The following USP4 variants were observed in gnomAD, a reference collection of about 807,000 sequenced individuals.
USP4 encodes ubiquitin carboxyl-terminal hydrolase 4.
USP4 carries 72 observed loss-of-function variants against 118.2 expected under a neutral mutation model. That is an observed-to-expected ratio of 0.61 (90% confidence interval 0.50 to 0.74). The LOEUF is 0.74. Ranked by LOEUF, USP4 falls within the 30% of genes least tolerant of loss-of-function variation. The pLI is 0.00. For synonymous variants in USP4, 415 were observed against 440.4 expected (o/e 0.94, Z 0.72); for missense variants, 1,037 against 1,185.7 (o/e 0.87, Z 1.84).
At chr3:49,337,615 T>C (rs1159614630) in intron 1 of USP4, among the ~76,000 whole-genome samples, 1 of 151,752 alleles carries the variant, frequency 6.6e-6, no homozygotes, top group Non-Finnish European at 1.5e-5. Context: ...TTATTTTTAT[T>C]TTGTAGAGGC....
At position 49,286,278 on chromosome 3, in the gene USP4, G is replaced by A. The variant is rs754095579; in HGVS notation, c.2020C>T (p.Leu674Phe). The A allele has an allele frequency of 5.3e-5, 85 of 1,613,954 alleles. No homozygotes were observed. Among genetic ancestry groups the A allele is most frequent in the Non-Finnish European group, 7.1e-5 (84 of 1,180,020 alleles). ...MEHQEEGKEQ[L>F]SETEGSGEDE... ...TCCCCACTGCCTTCTGTTTCTGAAA[G>A]CTGCTCTTTGCCTTCTTCCTGATGC... is the stretch of plus-strand genomic sequence containing the variant. Residue 674 changes from leucine (L) to phenylalanine (F), a missense_variant, in exon 16 of 22, where the codon CTT becomes TTT. Leu to Phe is a conservative substitution (Grantham distance 22). Around this residue, in one of 3 missense-constraint regions of USP4, gnomAD observed 522 missense variants for 592.6 expected, o/e 0.88. Transcript: ENST00000265560.
At chr3:49,317,101 C>A in intron 6 of USP4, 2 of 1,332,830 alleles carry the variant, frequency 1.5e-6, no homozygotes, top group Non-Finnish European at 2.1e-6. Context: ...CCTGCCACCA[C>A]TACTTTTCTG....
chr3:49,278,824 T>C lies in USP4; in HGVS notation c.2723A>G (p.Asp908Gly). 1 of 1,610,404 alleles carries C rather than the reference T, an allele frequency of 6.2e-7. No individual in the cohort carries two copies. The highest frequency in any genetic ancestry group is 8.5e-7 in the Non-Finnish European group (1 of 1,177,934). ...DDSNVSLASE[D>G]QIVTKAAYVL... Reference sequence around the variant, plus strand: ...TCATGGCCTACTCACCACTATCTGATCCTCAGAGGCCAGGGACACGTTGCT... The same window carrying C: ...TCATGGCCTACTCACCACTATCTGACCCTCAGAGGCCAGGGACACGTTGCT... The change falls in exon 21 of 22, where the codon GAT becomes GGT. Residue 908 changes from aspartate to glycine, a missense_variant. Asp to Gly is a moderately conservative substitution (Grantham distance 94). Coordinates refer to ENST00000265560, the MANE Select transcript of USP4 (RefSeq NM_003363.4).
At chr3:49,307,610 C>T (rs2047332676) in intron 8 of USP4, among the ~76,000 whole-genome samples, 1 of 152,012 alleles carries the variant, frequency 6.6e-6, no homozygotes, top group African/African-American at 2.4e-5. Context: ...TTTATGAGGA[C>T]AAAAACCATT....
chr3:49,306,211 T>G (rs1376147701), intron 8 of USP4, among the ~76,000 whole-genome samples: 5 of 125,294 alleles, frequency 4.0e-5, no homozygotes, highest in Admixed American at 2.2e-4. Context: ...TTTTTTTTTG[T>G]TTTTTTTTTT....
intron 8 of USP4, among the ~76,000 whole-genome samples, chr3:49,308,978 G>A (rs1461899933): frequency 2.7e-5 from 4 of 148,542 alleles, no homozygotes; most frequent in Admixed American, 6.8e-5. Context: ...GTTGCAGTGC[G>A]TCAAGATTGC....
intron 19 of USP4, among the ~76,000 whole-genome samples, chr3:49,283,232 T>C (rs556969092): frequency 4.6e-5 from 7 of 151,914 alleles, no homozygotes; most frequent in South Asian, 2.1e-4. Context: ...GCCAGGATGG[T>C]CTCGATCTCC....
At chr3:49,317,406 T>C in intron 6 of USP4, 2 of 1,010,412 alleles carry the variant, frequency 2.0e-6, no homozygotes, top group Non-Finnish European at 3.1e-6. Context: ...ATAGCTCCTC[T>C]ATGCATTTGA....
intron 4 of USP4, 121 bp downstream of exon 4, chr3:49,325,598 C>T: frequency 2.8e-6 from 4 of 1,442,146 alleles, no homozygotes; most frequent in South Asian, 2.6e-5. Context: ...AACTACAGCT[C>T]GAGATGATTT....
chr3:49,284,724 T>C, intron 17 of USP4, 125 bp downstream of exon 17: 1 of 1,234,270 alleles, frequency 8.1e-7, no homozygotes, highest in South Asian at 1.3e-5. Flanking sequence ...AATCTTGAAG[T>C]GCTTTTCCTT....
At chr3:49,317,487 T>C in intron 6 of USP4, 1 of 661,314 alleles carries the variant, frequency 1.5e-6, no homozygotes, top group Non-Finnish European at 2.7e-6. Flanking sequence ...CCCTATTTTT[T>C]TTTTTGAGAT....
At position 49,277,382 on chromosome 3, in the gene USP4, G is replaced by C; in HGVS notation, c.*911C>G. 2.1e-6 allele frequency: 1 copy of C among 484,736 alleles called. No homozygotes were observed. The highest frequency in any genetic ancestry group is 3.4e-6 in the Non-Finnish European group (1 of 297,522). 30.0% of individuals were successfully genotyped at this position (484,736 alleles called of 1,614,324 possible). A position where few individuals can be genotyped will look rare whatever the true frequency, so the allele number is the denominator to read the frequency against. On this transcript the variant is annotated 3_prime_UTR_variant, in exon 22 of 22. Coordinates refer to ENST00000265560, the MANE Select transcript of USP4 (RefSeq NM_003363.4). ...GACGGGGCTTTCGAATGGGGGCCCC[G>C]GGAAGAGTCTTGGCAGGGATGAGGA...
chr3:49,302,338 G>C (rs1364565882), intron 10 of USP4, 46 bp downstream of exon 10: 1 of 1,598,536 alleles, frequency 6.3e-7, no homozygotes, highest in Non-Finnish European at 8.5e-7. Flanking sequence ...TCAATAGGAG[G>C]CAGCTTCTTT....
intron 2 of USP4, among the ~76,000 whole-genome samples, chr3:49,334,314 T>G (rs2047647982): frequency 6.6e-6 from 1 of 152,156 alleles, no homozygotes; most frequent in African/African-American, 2.4e-5. Flanking sequence ...GAACAAAATG[T>G]GAACATAATG....
At chr3:49,313,611 T>C (rs1477804630) in intron 6 of USP4, among the ~76,000 whole-genome samples, 1 of 152,204 alleles carries the variant, frequency 6.6e-6, no homozygotes, top group African/African-American at 2.4e-5. Context: ...TATAAGGACA[T>C]GAGAACAGAA....
At chr3:49,295,275 C>A (rs1391997736) in intron 13 of USP4, among the ~76,000 whole-genome samples, 1 of 98,630 alleles carries the variant, frequency 1.0e-5, no homozygotes, top group African/African-American at 3.8e-5. Flanking sequence ...GGCAACAGAG[C>A]GAGACTCCAT....
intron 9 of USP4, 64 bp downstream of exon 9, chr3:49,305,651 C>T (rs1208694632): frequency 1.4e-6 from 2 of 1,407,262 alleles, no homozygotes; most frequent in East Asian, 5.1e-5. Flanking sequence ...AGTCCCGAAA[C>T]ATTTCTGGTC....
At chr3:49,281,348 C>T (rs1420627797) in intron 19 of USP4, among the ~76,000 whole-genome samples, 1 of 151,668 alleles carries the variant, frequency 6.6e-6, no homozygotes, top group Non-Finnish European at 1.5e-5. Flanking sequence ...CCCAGCTACT[C>T]GGGAGGCTGA....
At chr3:49,337,000 C>G (rs928049683) in intron 1 of USP4, among the ~76,000 whole-genome samples, 3 of 151,988 alleles carry the variant, frequency 2.0e-5, no homozygotes, top group Non-Finnish European at 4.4e-5. Context: ...AATGTACACA[C>G]AAGGCCAGGC....
Sources: allele counts gnomAD v4.1 joint callset (sites outside exome capture counted in the v4.1 genomes callset), GRCh38; gene constraint gnomAD v4.1.1; regional missense constraint gnomAD v4.1.1; transcripts MANE v1.5; gene names NCBI Gene and HGNC (gene_info 2026-07-23, HGNC 2026-07-21).